MAPK10: variants seen among roughly 807,000 people sequenced by gnomAD.
MAPK10 encodes the protein mitogen-activated protein kinase 10, also known as JNK3 alpha protein kinase.
In MAPK10, 25 loss-of-function variants were observed where a neutral mutation model predicts 59.3. The observed-to-expected ratio is 0.42, with a 90% CI of 0.31 to 0.59. The LOEUF is 0.59. Among genes scored for constraint, MAPK10 ranks in the 20% least tolerant of loss-of-function variants. The pLI is 0.15. For synonymous variants in MAPK10, 190 were observed against 200.5 expected, an observed-to-expected ratio of 0.95 and a Z score of 0.44; for missense variants, 351 against 568.9, an observed-to-expected ratio of 0.62 and a Z score of 3.90.
chr4:86,446,885 T>G (rs986894107), intron 1 of MAPK10, among the ~76,000 whole-genome samples: 1 of 152,188 alleles, frequency 6.6e-6, no homozygotes, highest in Non-Finnish European at 1.5e-5. Context: ...ATTTTTCCCA[T>G]GTGTTTGTCT....
At chr4:86,404,357 G>A (rs1417428354) in intron 1 of MAPK10, among the ~76,000 whole-genome samples, 1 of 152,122 alleles carries the variant, frequency 6.6e-6, no homozygotes, top group Non-Finnish European at 1.5e-5. Context: ...AACCGTTCCT[G>A]TGAAAATTAC....
chr4:86,530,098 C>A (rs1371897090), intron 1 of MAPK10, among the ~76,000 whole-genome samples: 2 of 146,866 alleles, frequency 1.4e-5, no homozygotes, highest in Non-Finnish European at 3.0e-5. Context: ...GTACAGACTT[C>A]CTGGCTCTAT....
intron 1 of MAPK10, among the ~76,000 whole-genome samples, chr4:86,550,337 C>T (rs1300121502): frequency 1.6e-5 from 2 of 121,478 alleles, no homozygotes; most frequent in East Asian, 2.6e-4. Flanking sequence ...GCTGCAGCAG[C>T]ATTATATTAA....
intron 11 of MAPK10, among the ~76,000 whole-genome samples, chr4:86,045,708 C>G (rs982405305): frequency 6.6e-6 from 1 of 151,886 alleles, no homozygotes; most frequent in East Asian, 1.9e-4. Flanking sequence ...CCCTGCTTAC[C>G]AGCCCAAAAT....
intron 3 of MAPK10, among the ~76,000 whole-genome samples, chr4:86,181,128 A>AT (rs1028469372): frequency 1.3e-5 from 2 of 152,036 alleles, no homozygotes; most frequent in Non-Finnish European, 2.9e-5. Context: ...TTATGTGCCA[A>AT]TTTTTTTAAG....
In MAPK10 at chr4:86,015,667, T is replaced by C. The variant is rs1216370528; in HGVS notation, c.*1561A>G. On this transcript the variant is annotated 3_prime_UTR_variant, in exon 14 of 14. Transcript: ENST00000641462. ...TAAATTCTGGAGATTTTGCTAAACA[T>C]TGACATTAATGCTTCATGGCTTTTA... 1 of 152,230 alleles carries C rather than the reference T, an allele frequency of 6.6e-6. No individual in the cohort carries two copies. The highest frequency in any genetic ancestry group is 2.4e-5 in the African/African-American group (1 of 41,462). The allele number at this position is 152,230 out of a possible 1,614,324, so 9.4% of individuals were successfully genotyped here.
chr4:86,485,614 C>T (rs1353185586), intron 1 of MAPK10, among the ~76,000 whole-genome samples: 1 of 152,156 alleles, frequency 6.6e-6, no homozygotes, highest in African/African-American at 2.4e-5. Context: ...GTTCCAAGAG[C>T]TTCATCAGAG....
intron 1 of MAPK10, among the ~76,000 whole-genome samples, chr4:86,448,089 G>A (rs1015063937): frequency 7.9e-5 from 12 of 152,016 alleles, no homozygotes; most frequent in African/African-American, 2.9e-4. Flanking sequence ...AATATGTAAA[G>A]AGCCTAGTAA....
intron 1 of MAPK10, among the ~76,000 whole-genome samples, chr4:86,593,495 T>C (rs1036817682): frequency 1.3e-5 from 2 of 152,210 alleles, no homozygotes; most frequent in East Asian, 1.9e-4. Context: ...TACAGCTGTC[T>C]GGATATACCT....
chr4:86,172,274 CG>C (rs1562652860), intron 3 of MAPK10, among the ~76,000 whole-genome samples: 1 of 143,894 alleles, frequency 6.9e-6, no homozygotes, highest in Non-Finnish European at 1.5e-5. Context: ...CACATGCACA[CG>C]TATGTTTATT....
intron 13 of MAPK10, chr4:86,020,156 T>C (rs575730588): frequency 6.6e-6 from 1 of 152,222 alleles, no homozygotes; most frequent in East Asian, 1.9e-4. Flanking sequence ...TTCTGAACAT[T>C]TCATGTAAAT....
chr4:86,108,385 G>T (rs1472368485), intron 4 of MAPK10, among the ~76,000 whole-genome samples: 1 of 152,082 alleles, frequency 6.6e-6, no homozygotes, highest in Non-Finnish European at 1.5e-5. Flanking sequence ...TGTCTTAGTT[G>T]TCAGGAGGAA....
At chr4:86,487,044 C>A (rs976329714) in intron 1 of MAPK10, among the ~76,000 whole-genome samples, 3 of 151,992 alleles carry the variant, frequency 2.0e-5, no homozygotes, top group Admixed American at 2.0e-4. Flanking sequence ...ATGAAAGATA[C>A]GGAAAAGCTA....
At chr4:86,514,641 A>G (rs984862018) in intron 1 of MAPK10, among the ~76,000 whole-genome samples, 4 of 152,222 alleles carry the variant, frequency 2.6e-5, no homozygotes, top group African/African-American at 9.6e-5. Flanking sequence ...TACAGCTTAA[A>G]TAATATTCAG....
rs113426264 is a variant in MAPK10 at position 86,354,554 on chromosome 4, A to G, written c.-31T>C. ...CCACAGCTTGTATGGTTTCTCATCT[A>G]TAGGAAACGGGTCTAATTCAACAGT... On this transcript the variant is annotated 5_prime_UTR_variant, in exon 2 of 14. Transcript: ENST00000641462. The G allele has an allele frequency of 1.7e-5, 21 of 1,230,370 alleles. No individual in the cohort carries two copies. The highest frequency in any genetic ancestry group is 9.3e-5 in the African/African-American group (6 of 64,364). 76.2% of individuals were successfully genotyped at this position (1,230,370 alleles called of 1,614,324 possible).
At chr4:86,555,981 T>C (rs1378040106) in intron 1 of MAPK10, among the ~76,000 whole-genome samples, 1 of 152,232 alleles carries the variant, frequency 6.6e-6, no homozygotes, top group Non-Finnish European at 1.5e-5. Context: ...GAATGACTTT[T>C]AGCTAGTAAG....
chr4:86,377,662 A>G (rs2148998361), intron 1 of MAPK10, among the ~76,000 whole-genome samples: 1 of 152,368 alleles, frequency 6.6e-6, no homozygotes, highest in Admixed American at 6.5e-5. Flanking sequence ...TAAAGCAGTC[A>G]AGAATGAACA....
intron 4 of MAPK10, among the ~76,000 whole-genome samples, chr4:86,150,026 A>G (rs529414279): frequency 2.3e-4 from 35 of 152,360 alleles, no homozygotes; most frequent in African/African-American, 7.5e-4. Flanking sequence ...CAAAGAATTC[A>G]TAATTGCAAA....
chr4:86,133,357 C>T lies in MAPK10; in HGVS notation c.236+25941G>A, dbSNP rs115057059. Among the ~76,000 whole-genome samples, 646 of 152,232 alleles carry T rather than the reference C, an allele frequency of 4.2e-3. 1 individual carries two copies. The highest frequency in any genetic ancestry group is 6.1e-3 in the Non-Finnish European group (417 of 67,996). On this transcript the variant is annotated intron_variant, in intron 4 of 13. Coordinates refer to ENST00000641462, the MANE Select transcript of MAPK10 (RefSeq NM_138982.4). ...TCTGTGGTATTTATCAGCTTTTTTACAATTTGTGATTTGTTGTAATGTATT... is the reference window on the plus strand; with the variant it reads ...TCTGTGGTATTTATCAGCTTTTTTATAATTTGTGATTTGTTGTAATGTATT...
Sources: gnomAD v4.1 joint callset for allele counts (sites outside exome capture counted in the v4.1 genomes callset) on GRCh38, gnomAD v4.1.1 for gene constraint, MANE v1.5 for transcripts, NCBI Gene and HGNC (gene_info 2026-07-23, HGNC 2026-07-21) for gene names.